The following ZNF469 variants were observed in gnomAD, a reference collection of about 807,000 sequenced individuals.
ZNF469 encodes zinc finger protein 469.
In ZNF469, 1 loss-of-function variant was observed where a neutral mutation model predicts 1.0. The ratio of observed to expected loss-of-function variants is 1.00; its 90% CI spans 0.35 to 4.73. The LOEUF is 4.73. Ranked by LOEUF, ZNF469 falls within the 30% of genes most tolerant of loss-of-function variation. The pLI is 0.16. For synonymous variants in ZNF469, 2,703 were observed against 2,363.4 expected, an observed-to-expected ratio of 1.14 and a Z score of -4.17; for missense variants, 6,100 against 5,356.3, an observed-to-expected ratio of 1.14 and a Z score of -4.33.
At chr16:88,193,170 G>GAT in the ZNF469 span, among the ~76,000 whole-genome samples, 4 of 6,066 alleles carry the variant, frequency 6.6e-4, no homozygotes, top group African/African-American at 2.4e-3. Context: ...TGATGGTGGT[G>GAT]GGGATGGTGG....
Position 88,404,301 on chromosome 16 carries a change from G to A in ZNF469, c.-191-20506G>A, listed in dbSNP as rs141076304. ...CGGATTCTAGATACCAGGTCATTTC[G>A]CCTGTAAGGACTTCAGCAAGAGCCA... is the stretch of plus-strand genomic sequence containing the variant. On this transcript the variant is annotated intron_variant, in intron 1 of 2. Coordinates refer to ENST00000565624, the MANE Select transcript of ZNF469 (RefSeq NM_001367624.2). 3.2e-3 allele frequency among the ~76,000 whole-genome samples: 491 copies of A among 152,286 alleles called. 1 individual carries two copies. The highest frequency in any genetic ancestry group is 0.011 in the African/African-American group (462 of 41,566).
Position 88,437,078 on chromosome 16 carries a change from G to A in ZNF469, c.9608G>A (p.Arg3203His), listed in dbSNP as rs1906638366. Residue 3203 changes from arginine (R) to histidine (H), a missense_variant, in exon 3 of 3, where the codon CGC becomes CAC. Coordinates refer to ENST00000565624, the MANE Select transcript of ZNF469 (RefSeq NM_001367624.2). ...CGTGAGCACGCGGTCCGCTTCGCCC[G>A]CAGGGGGCAGGCGCGGAGGTCCTTG... ...HLREHAVRFARRGQARRSLGD... is the reference protein window; with the variant it reads ...HLREHAVRFAHRGQARRSLGD... The A allele has an allele frequency of 2.6e-6, 4 of 1,542,022 alleles. No individual in the cohort carries two copies. Among genetic ancestry groups the A allele is most frequent in the South Asian group, 2.4e-5 (2 of 83,858 alleles).
the ZNF469 span, among the ~76,000 whole-genome samples, chr16:88,263,864 C>T: frequency 3.9e-5 from 6 of 152,094 alleles, no homozygotes; most frequent in African/African-American, 7.2e-5. Context: ...GGGCAGAGGC[C>T]GCCTTCCTGC....
the ZNF469 span, among the ~76,000 whole-genome samples, chr16:88,104,580 C>T: frequency 3.3e-5 from 5 of 152,268 alleles, no homozygotes; most frequent in Non-Finnish European, 5.9e-5. Context: ...GGTCACGCAA[C>T]GCGTGGCCCT....
chr16:88,128,149 C>A, the ZNF469 span, among the ~76,000 whole-genome samples: 1 of 151,984 alleles, frequency 6.6e-6, no homozygotes, highest in South Asian at 2.1e-4. Context: ...ACCCAGATGG[C>A]GAGACGGCAC....
the ZNF469 span, among the ~76,000 whole-genome samples, chr16:88,196,105 C>A: frequency 1.4e-3 from 206 of 152,338 alleles, 1 homozygote; most frequent in African/African-American, 4.7e-3. Context: ...GTGAGGCCAG[C>A]CCTCGCCTTT....
chr16:88,271,912 G>T, the ZNF469 span, among the ~76,000 whole-genome samples: 1 of 152,136 alleles, frequency 6.6e-6, no homozygotes, highest in Non-Finnish European at 1.5e-5. Flanking sequence ...CAGATGGATG[G>T]ATGGGTGTAT....
the ZNF469 span, among the ~76,000 whole-genome samples, chr16:88,239,661 TTTTTTG>T: frequency 3.8e-5 from 4 of 106,166 alleles, no homozygotes; most frequent in African/African-American, 1.4e-4. Flanking sequence ...CTTATTTTTT[TTTTTTG>T]TATATATATA....
rs781667585 is a variant in ZNF469 at position 88,432,076 on chromosome 16, C to G, written c.4606C>G (p.Pro1536Ala). ...KTCPPERTVV[P>A]GAAPSLPGKG... Reference sequence around the variant, plus strand: ...GTGTCCCCCTGAACGGACAGTGGTTCCCGGCGCCGCCCCATCTTTGCCTGG... The same window carrying G: ...GTGTCCCCCTGAACGGACAGTGGTTGCCGGCGCCGCCCCATCTTTGCCTGG... The change falls in exon 3 of 3, where the codon CCC (proline) becomes GCC (alanine). Residue 1536 changes from proline (P) to alanine (A), a missense_variant. By Grantham distance (27) the Pro-to-Ala change is conservative (BLOSUM62 -1). Transcript: ENST00000565624. 1 of 1,550,372 alleles carries G rather than the reference C, an allele frequency of 6.5e-7. No homozygotes were observed. The highest frequency in any genetic ancestry group is 8.7e-7 in the Non-Finnish European group (1 of 1,146,996).
the ZNF469 span, chr16:88,194,135 C>T: frequency 6.6e-6 from 1 of 152,226 alleles, no homozygotes; most frequent in African/African-American, 2.4e-5. Context: ...ACACAAACCT[C>T]CAAGGCTGGG....
At chr16:88,368,020 C>T in the ZNF469 span, among the ~76,000 whole-genome samples, 1 of 152,194 alleles carries the variant, frequency 6.6e-6, no homozygotes, top group Admixed American at 6.5e-5. Context: ...GAGTGTCCTC[C>T]CTACACAGGA....
chr16:88,239,479 A>G, the ZNF469 span, among the ~76,000 whole-genome samples: 2 of 147,600 alleles, frequency 1.4e-5, no homozygotes, highest in East Asian at 4.0e-4. Flanking sequence ...GCGAATTTTC[A>G]TGATGGTCTC....
chr16:88,327,311 G>A, the ZNF469 span, among the ~76,000 whole-genome samples: 20 of 152,072 alleles, frequency 1.3e-4, no homozygotes, highest in Admixed American at 1.0e-3. Flanking sequence ...CCCCCGCCTC[G>A]CCACGCTGGT....
chr16:88,384,308 G>A (rs150859379), intron 1 of ZNF469, among the ~76,000 whole-genome samples: 105 of 152,348 alleles, frequency 6.9e-4, no homozygotes, highest in African/African-American at 2.4e-3. Flanking sequence ...TCTGCCGGTC[G>A]GGTGGACAAA....
At chr16:88,353,538 C>G in the ZNF469 span, among the ~76,000 whole-genome samples, 1 of 152,212 alleles carries the variant, frequency 6.6e-6, no homozygotes, top group Non-Finnish European at 1.5e-5. Context: ...CAGCCTCTCG[C>G]GGCTCACTGC....
the ZNF469 span, among the ~76,000 whole-genome samples, chr16:88,255,898 A>T: frequency 6.6e-6 from 1 of 152,246 alleles, no homozygotes; most frequent in African/African-American, 2.4e-5. Context: ...GTCTCTGGTT[A>T]CGGAAGGGTT....
At chr16:88,341,118 G>GGGCCACACGTGGTCTC in the ZNF469 span, among the ~76,000 whole-genome samples, 1 of 152,212 alleles carries the variant, frequency 6.6e-6, no homozygotes, top group Non-Finnish European at 1.5e-5. Context: ...CAGGCCTTGT[G>GGGCCACACGTGGTCTC]GGCCACACGT....
chr16:88,351,855 C>A, the ZNF469 span, among the ~76,000 whole-genome samples: 1 of 152,264 alleles, frequency 6.6e-6, no homozygotes. Flanking sequence ...ACAAGTGGTG[C>A]CGTGCTCGCT....
At position 88,430,260 on chromosome 16, in the gene ZNF469, T is replaced by A. The variant is rs1307407113; in HGVS notation, c.2790T>A (p.Gly930=). Residue 930 remains glycine (G), a synonymous_variant, in exon 3 of 3, where the codon GGT becomes GGA. Coordinates refer to ENST00000565624, the MANE Select transcript of ZNF469 (RefSeq NM_001367624.2). ...ARGRPKTRSL[G]LAPTEADAPS... ...GCAGGCCCAAAACGCGTTCCCTGGG[T>A]CTGGCCCCCACCGAGGCGGATGCGC... is the stretch of plus-strand genomic sequence containing the variant. 2 of 1,522,226 alleles carry A rather than the reference T, an allele frequency of 1.3e-6. No homozygotes were observed. Among genetic ancestry groups the A allele is most frequent in the Admixed American group, 2.0e-5 (1 of 49,750 alleles). The allele number at this position is 1,522,226 out of a possible 1,614,324, so 94.3% of individuals were successfully genotyped here.
Sources: gnomAD v4.1 joint callset for allele counts (sites outside exome capture counted in the v4.1 genomes callset) on GRCh38, gnomAD v4.1.1 for gene constraint, MANE v1.5 for transcripts, NCBI Gene and HGNC (gene_info 2026-07-23, HGNC 2026-07-21) for gene names.